The following PTPRD variants were observed in gnomAD, a reference collection of about 807,000 sequenced individuals.
PTPRD encodes receptor-type tyrosine-protein phosphatase delta.
A neutral mutation model predicts 214.5 loss-of-function variants in PTPRD; 34 were observed. The ratio of observed to expected loss-of-function variants is 0.16; its 90% confidence interval spans 0.12 to 0.21. PTPRD has a LOEUF of 0.21. Ranked by LOEUF, PTPRD falls within the 10% of genes least tolerant of loss-of-function variation. The pLI, the probability that PTPRD is intolerant of heterozygous loss-of-function variation, is 1.00. For synonymous variants in PTPRD, 1,128 were observed against 845.7 expected (o/e 1.33, Z -5.79); for missense variants, 2,545 against 2,398.7 (o/e 1.06, Z -1.27).
At chr9:10,119,470 G>A (rs1282901405) in intron 3 of PTPRD, among the ~76,000 whole-genome samples, 6 of 151,850 alleles carry the variant, frequency 4.0e-5, no homozygotes, top group African/African-American at 7.2e-5. Flanking sequence ...TGTTTAAAAC[G>A]GTTCTAGTAG....
intron 5 of PTPRD, among the ~76,000 whole-genome samples, chr9:9,784,941 G>C (rs932106448): frequency 3.4e-5 from 5 of 147,790 alleles, no homozygotes; most frequent in African/African-American, 1.2e-4. Context: ...TATATGGTTT[G>C]AGCAGGGTTT....
chr9:8,711,571 A>C (rs2098332912), intron 12 of PTPRD, among the ~76,000 whole-genome samples: 1 of 152,030 alleles, frequency 6.6e-6, no homozygotes, highest in Non-Finnish European at 1.5e-5. Flanking sequence ...CAAAAATACA[A>C]AGATCACGTC....
At chr9:10,020,418 C>G (rs959718392) in intron 4 of PTPRD, among the ~76,000 whole-genome samples, 3 of 146,044 alleles carry the variant, frequency 2.1e-5, no homozygotes, top group Non-Finnish European at 4.5e-5. Context: ...TCTCTTGCCT[C>G]AGCCTCCCGA....
intron 3 of PTPRD, among the ~76,000 whole-genome samples, chr9:10,174,584 G>T (rs957961730): frequency 2.3e-4 from 34 of 151,028 alleles, no homozygotes; most frequent in African/African-American, 8.4e-4. Flanking sequence ...ATCAACGAAA[G>T]ATTTTTTTTT....
At chr9:10,469,581 A>G (rs1321884245) in intron 2 of PTPRD, among the ~76,000 whole-genome samples, 1 of 152,174 alleles carries the variant, frequency 6.6e-6, no homozygotes, top group Non-Finnish European at 1.5e-5. Flanking sequence ...TAGTATAGCC[A>G]TTATGAAAAA....
At chr9:9,882,957 C>T (rs1418968133) in intron 5 of PTPRD, among the ~76,000 whole-genome samples, 1 of 152,118 alleles carries the variant, frequency 6.6e-6, no homozygotes, top group Non-Finnish European at 1.5e-5. Flanking sequence ...CTTTCTCCCT[C>T]ACTGGCCATG....
At chr9:9,601,586 A>T (rs1207672310) in intron 7 of PTPRD, among the ~76,000 whole-genome samples, 1 of 152,088 alleles carries the variant, frequency 6.6e-6, no homozygotes, top group Non-Finnish European at 1.5e-5. Flanking sequence ...TTCAATGCTC[A>T]AATTTACATT....
intron 7 of PTPRD, among the ~76,000 whole-genome samples, chr9:9,732,326 C>T (rs1444244033): frequency 6.6e-6 from 1 of 151,930 alleles, no homozygotes; most frequent in Non-Finnish European, 1.5e-5. Context: ...TACATTTTCC[C>T]ACACTGGTCA....
intron 8 of PTPRD, among the ~76,000 whole-genome samples, chr9:9,539,878 G>A (rs1286275358): frequency 6.6e-6 from 1 of 151,708 alleles, no homozygotes; most frequent in Non-Finnish European, 1.5e-5. Context: ...TAAATCAATG[G>A]TTTTCAGCCC....
At chr9:8,691,986 AC>A (rs1315976403) in intron 12 of PTPRD, among the ~76,000 whole-genome samples, 1 of 152,140 alleles carries the variant, frequency 6.6e-6, no homozygotes, top group Non-Finnish European at 1.5e-5. Context: ...TGGGTTCAGA[AC>A]TGAGGGCATC....
At chr9:8,422,051 TG>T (rs2094400146) in intron 35 of PTPRD, among the ~76,000 whole-genome samples, 1 of 139,252 alleles carries the variant, frequency 7.2e-6, no homozygotes, top group Admixed American at 8.1e-5. Flanking sequence ...GAGGCTGAGA[TG>T]GGAGGATCAT....
In PTPRD at chr9:9,722,856, T is replaced by C. The variant is rs375431772; in HGVS notation, c.-287+11677A>G. 1.7e-3 allele frequency among the ~76,000 whole-genome samples: 253 copies of C among 152,210 alleles called. 1 individual carries two copies. Among genetic ancestry groups the C allele is most frequent in the African/African-American group, 5.7e-3 (236 of 41,568 alleles). ...GACCATTTCTATACCTTTGGAGAGATTTCTATGCAAGTCATTTGCATTTTT... is the reference window on the plus strand; with the variant it reads ...GACCATTTCTATACCTTTGGAGAGACTTCTATGCAAGTCATTTGCATTTTT... On this transcript the variant is annotated intron_variant, in intron 7 of 45. Transcript: ENST00000381196.
At chr9:8,957,772 T>TGTG (rs1281802472) in intron 11 of PTPRD, among the ~76,000 whole-genome samples, 10 of 151,858 alleles carry the variant, frequency 6.6e-5, no homozygotes, top group Non-Finnish European at 1.0e-4. Context: ...TTACATGATC[T>TGTG]CATATCTTAG....
At chr9:10,062,882 A>G (rs1472761711) in intron 3 of PTPRD, among the ~76,000 whole-genome samples, 1 of 151,986 alleles carries the variant, frequency 6.6e-6, no homozygotes, top group East Asian at 1.9e-4. Context: ...CTTGCTCCCA[A>G]TTTACCTCTG....
At chr9:10,040,393 G>A (rs2097274175) in intron 3 of PTPRD, among the ~76,000 whole-genome samples, 1 of 152,070 alleles carries the variant, frequency 6.6e-6, no homozygotes, top group African/African-American at 2.4e-5. Flanking sequence ...AGGAGCAGAT[G>A]TGCTTCTGCC....
intron 11 of PTPRD, among the ~76,000 whole-genome samples, chr9:8,841,799 G>A (rs775909422): frequency 6.6e-6 from 1 of 151,962 alleles, no homozygotes; most frequent in Non-Finnish European, 1.5e-5. Context: ...ATCATTTGAG[G>A]TCAAGAGTTC....
intron 9 of PTPRD, among the ~76,000 whole-genome samples, chr9:9,389,410 T>C (rs10816112): frequency 0.27 from 41,156 of 151,966 alleles, 5,997 homozygotes; most frequent in East Asian, 0.45. Flanking sequence ...CTCGGGAGGC[T>C]GAGGTAGGAG....
At chr9:8,346,165 C>G (rs1294286900) in intron 39 of PTPRD, among the ~76,000 whole-genome samples, 1 of 150,824 alleles carries the variant, frequency 6.6e-6, no homozygotes, top group Non-Finnish European at 1.5e-5. Flanking sequence ...CTTTTTGCCT[C>G]TTACCCTGCA....
intron 8 of PTPRD, among the ~76,000 whole-genome samples, chr9:9,495,637 C>G (rs2096144639): frequency 6.6e-6 from 1 of 152,106 alleles, no homozygotes; most frequent in African/African-American, 2.4e-5. Context: ...CCCTTCCCAT[C>G]CCCGCCCCGA....
Sources: allele counts gnomAD v4.1 joint callset (sites outside exome capture counted in the v4.1 genomes callset), GRCh38; gene constraint gnomAD v4.1.1; transcripts MANE v1.5; gene names NCBI Gene and HGNC (gene_info 2026-07-23, HGNC 2026-07-21).